The following PAFAH1B2 variants were observed in gnomAD, a reference collection of about 807,000 sequenced individuals.
PAFAH1B2 encodes the protein platelet-activating factor acetylhydrolase IB subunit alpha2.
In PAFAH1B2, 8 loss-of-function variants were observed where a neutral mutation model predicts 28.0. The observed-to-expected ratio is 0.29, with a 90% CI of 0.17 to 0.52. PAFAH1B2 has a LOEUF of 0.52. Ranked by LOEUF, PAFAH1B2 falls within the 20% of genes least tolerant of loss-of-function variation. The pLI is 0.97. For synonymous variants in PAFAH1B2, 104 were observed against 103.2 expected, an observed-to-expected ratio of 1.01 and a Z score of -0.05; for missense variants, 190 against 282.6, an observed-to-expected ratio of 0.67 and a Z score of 2.35.
downstream of PAFAH1B2, among the ~76,000 whole-genome samples, chr11:117,172,286 TATA>T (rs1465339905): frequency 3.3e-5 from 5 of 150,368 alleles, no homozygotes; most frequent in Non-Finnish European, 5.9e-5. Context: ...TTGCTAAACA[TATA>T]ATATTTGTGG....
chr11:117,165,120 T>C (rs1378575063), intron 5 of PAFAH1B2, among the ~76,000 whole-genome samples: 1 of 151,092 alleles, frequency 6.6e-6, no homozygotes, highest in East Asian at 2.0e-4. Flanking sequence ...CACACCCGGC[T>C]AATTTTTTGT....
At chr11:117,146,583 C>T (rs1189548039) in intron 1 of PAFAH1B2, among the ~76,000 whole-genome samples, 2 of 152,170 alleles carry the variant, frequency 1.3e-5, no homozygotes, top group Admixed American at 6.5e-5. Flanking sequence ...GTACCAGTTA[C>T]TCTGGAAGGA....
intron 5 of PAFAH1B2, among the ~76,000 whole-genome samples, chr11:117,164,372 A>G (rs1222556696): frequency 6.7e-6 from 1 of 150,250 alleles, no homozygotes; most frequent in Non-Finnish European, 1.5e-5. Context: ...GTGCCACTGC[A>G]CTCCAGCCTG....
At chr11:117,162,872 C>A (rs1420119949) in intron 4 of PAFAH1B2, among the ~76,000 whole-genome samples, 1 of 152,064 alleles carries the variant, frequency 6.6e-6, no homozygotes, top group East Asian at 1.9e-4. Flanking sequence ...GTCACCCAGG[C>A]TGGAGTGCAG....
rs115516789 is a variant in PAFAH1B2, at chr11:117,157,402, A to G, written c.82-2532A>G. 5.2e-3 allele frequency among the ~76,000 whole-genome samples: 790 copies of G among 152,174 alleles called. 11 individuals are homozygous for G. The highest frequency in any genetic ancestry group is 0.018 in the African/African-American group (728 of 41,524). On this transcript the variant is annotated intron_variant, in intron 2 of 5. Transcript: ENST00000527958. ...TGTGATCTGCTCACTTTGGCTTCAC[A>G]GAGGCCTAGGATTACAGGCGTGAGC...
chr11:117,166,869 T>G (rs140419125), intron 5 of PAFAH1B2, among the ~76,000 whole-genome samples: 3 of 152,140 alleles, frequency 2.0e-5, no homozygotes, highest in African/African-American at 7.2e-5. Flanking sequence ...ATCAGGAGGT[T>G]TTATAGTAAT....
At position 117,154,693 on chromosome 11, in the gene PAFAH1B2, C is replaced by T. The variant is rs546234797; in HGVS notation, c.81+2165C>T. On this transcript the variant is annotated intron_variant, in intron 2 of 5. Transcript: ENST00000527958. ...TCTCGGCCTCAAGTGATCCTCCTGC[C>T]TCAGCCTCCCAAAGTGTTGGGATTA... Among the ~76,000 whole-genome samples, 15 of 152,274 alleles carry T rather than the reference C, an allele frequency of 9.9e-5. No individual in the cohort carries two copies. The East Asian group carries it at 2.5e-3, about 25-fold the overall frequency.
chr11:117,176,018 A>G (rs906525534), downstream of PAFAH1B2: 1 of 1,094,554 alleles, frequency 9.1e-7, no homozygotes, highest in Non-Finnish European at 1.3e-6. Flanking sequence ...AGGGCTCATG[A>G]TGAAGAAACC....
downstream of PAFAH1B2, among the ~76,000 whole-genome samples, chr11:117,172,404 ATTTTTTTTTT>A (rs375747711): frequency 5.8e-4 from 5 of 8,686 alleles, no homozygotes; most frequent in Admixed American, 1.6e-3. Flanking sequence ...ATATATATAT[ATTTTTTTTTT>A]TTTTTTTTTT....
downstream of PAFAH1B2, chr11:117,174,905 G>A (rs1465444596): frequency 1.1e-5 from 17 of 1,525,850 alleles, no homozygotes; most frequent in East Asian, 2.5e-5. Flanking sequence ...GTGAGTCACC[G>A]CACCAGGCCA....
chr11:117,162,748 C>T (rs746718442), intron 4 of PAFAH1B2, among the ~76,000 whole-genome samples: 8 of 151,856 alleles, frequency 5.3e-5, no homozygotes, highest in African/African-American at 1.9e-4. Flanking sequence ...AGGAAGACTC[C>T]GTTTCAAAAA....
intron 1 of PAFAH1B2, among the ~76,000 whole-genome samples, chr11:117,149,539 G>T (rs1956099409): frequency 7.1e-6 from 1 of 140,178 alleles, no homozygotes; most frequent in South Asian, 2.2e-4. Flanking sequence ...CCATTCTCCT[G>T]CCTCAGCCTC....
chr11:117,174,372 C>CCCGTCTGATAAAAACAT (rs1956735656), downstream of PAFAH1B2, among the ~76,000 whole-genome samples: 1 of 151,694 alleles, frequency 6.6e-6, no homozygotes. Flanking sequence ...TTATCAGAGA[C>CCCGTCTGATAAAAACAT]GGGGTTTCAC....
chr11:117,170,654 C>T lies in PAFAH1B2; in HGVS notation c.*2955C>T, dbSNP rs1956632095. 5 of 945,190 alleles carry T rather than the reference C, an allele frequency of 5.3e-6. No homozygotes were observed. Among genetic ancestry groups the T allele is most frequent in the Non-Finnish European group, 6.4e-6 (5 of 779,060 alleles). 58.6% of individuals were successfully genotyped at this position (945,190 alleles called of 1,614,324 possible). A position where few individuals can be genotyped will look rare whatever the true frequency, so the allele number is the denominator to read the frequency against. On this transcript the variant is annotated 3_prime_UTR_variant, in exon 6 of 6. Transcript: ENST00000527958. ...AAAAAAAAAAAAAAAAAAAGTCCAACTTACTTTATTTTATTTTTTTAACCT... is the reference window on the plus strand; with the variant it reads ...AAAAAAAAAAAAAAAAAAAGTCCAATTTACTTTATTTTATTTTTTTAACCT...
intron 1 of PAFAH1B2, among the ~76,000 whole-genome samples, chr11:117,150,011 C>CA (rs919925442): frequency 1.3e-5 from 2 of 150,478 alleles, no homozygotes; most frequent in Admixed American, 1.3e-4. Context: ...ACCTCAAAAA[C>CA]AAAAAAAAGA....
downstream of PAFAH1B2, among the ~76,000 whole-genome samples, chr11:117,174,491 T>C (rs1479819972): frequency 1.4e-4 from 14 of 102,566 alleles, no homozygotes; most frequent in Non-Finnish European, 2.8e-4. Flanking sequence ...GCCATTTTTT[T>C]TTCTTTTTTT....
At chr11:117,163,962 A>G in intron 5 of PAFAH1B2, 70 bp downstream of exon 5, 1 of 1,504,846 alleles carries the variant, frequency 6.6e-7, no homozygotes, top group Non-Finnish European at 9.2e-7. Context: ...TAGAAATGTG[A>G]TTGCTCATGA....
intron 2 of PAFAH1B2, among the ~76,000 whole-genome samples, chr11:117,157,068 A>G (rs1956270545): frequency 6.6e-6 from 1 of 151,568 alleles, no homozygotes; most frequent in East Asian, 1.9e-4. Context: ...AGTTGGTACT[A>G]CAGTACCTGC....
At chr11:117,158,300 C>T (rs1956297223) in intron 2 of PAFAH1B2, among the ~76,000 whole-genome samples, 1 of 152,084 alleles carries the variant, frequency 6.6e-6, no homozygotes, top group African/African-American at 2.4e-5. Context: ...ACCTTGGCCT[C>T]CTAAAGTGCT....
Sources: gnomAD v4.1 joint callset for allele counts (sites outside exome capture counted in the v4.1 genomes callset) on GRCh38, gnomAD v4.1.1 for gene constraint, MANE v1.5 for transcripts, NCBI Gene and HGNC (gene_info 2026-07-23, HGNC 2026-07-21) for gene names.